Variants in ECSIT observed in about 807,000 individuals in gnomAD.
ECSIT encodes evolutionarily conserved signaling intermediate in Toll pathway, mitochondrial.
In ECSIT, 29 loss-of-function variants were observed where a neutral mutation model predicts 36.8. The observed-to-expected ratio is 0.79, with a 90% confidence interval of 0.59 to 1.08. The LOEUF is 1.08. Ranked by LOEUF, ECSIT falls within the 50% of genes least tolerant of loss-of-function variation. The probability of loss-of-function intolerance (pLI) is 0.00; values close to 1 mark genes in which losing one functional copy is unlikely to be tolerated. For missense variants in ECSIT, 542 were observed against 581.0 expected (o/e 0.93, Z 0.69); for synonymous variants, 231 against 234.8 (o/e 0.98, Z 0.15).
intron 5 of ECSIT, 56 bp from the exon 6 acceptor site, chr19:11,507,906 A>G: frequency 6.2e-7 from 1 of 1,614,006 alleles, no homozygotes; most frequent in East Asian, 2.2e-5. Context: ...CCAGAGGCCC[A>G]GGGAGCCCAG....
intron 4 of ECSIT, among the ~76,000 whole-genome samples, chr19:11,512,183 A>G (rs1472126458): frequency 1.3e-5 from 2 of 151,996 alleles, no homozygotes; most frequent in African/African-American, 4.8e-5. Flanking sequence ...CATTTCTACA[A>G]GAAATACAAA....
chr19:11,509,295 A>G (rs1454981217), intron 4 of ECSIT, among the ~76,000 whole-genome samples: 1 of 149,638 alleles, frequency 6.7e-6, no homozygotes, highest in African/African-American at 2.5e-5. Flanking sequence ...CTGGTCTCAA[A>G]CTCCCAACCT....
Position 11,513,287 on chromosome 19 carries a change from G to C in ECSIT, c.515-8C>G, listed in dbSNP as rs971940527. ...CCTTGTTGGGCATCACACCTGTGCT[G>C]GGCAGATGCAGGCAGAACCTCAGAG... On this transcript the variant is annotated splice_polypyrimidine_tract_variant and splice_region_variant and intron_variant, in intron 3 of 7. Transcript: ENST00000270517. The C allele has an allele frequency of 6.2e-7, 1 of 1,613,026 alleles. No individual in the cohort carries two copies. Among genetic ancestry groups the C allele is most frequent in the African/African-American group, 1.3e-5 (1 of 74,876 alleles).
Position 11,519,281 on chromosome 19 carries a change from G to A in ECSIT, c.-23-88C>T, listed in dbSNP as rs756525108. ...CCCGCAGGGTCGAGGGCACACTCCA[G>A]ATTATGTGGCTCACTCACCAGCCCC... On this transcript the variant is annotated intron_variant, in intron 1 of 7. Coordinates refer to ENST00000270517, the MANE Select transcript of ECSIT (RefSeq NM_016581.5). This position sits in a 1 kb window ranked among gnomAD's most constrained non-coding sequence, Gnocchi z 4.4. 4.7e-6 allele frequency: 4 copies of A among 843,750 alleles called. No individual in the cohort carries two copies. The highest frequency in any genetic ancestry group is 7.8e-6 in the Non-Finnish European group (4 of 515,758). The allele number at this position is 843,750 out of a possible 1,614,324, so 52.3% of individuals were successfully genotyped here.
intron 1 of ECSIT, among the ~76,000 whole-genome samples, chr19:11,521,275 C>G (rs1290384566): frequency 1.3e-5 from 2 of 152,250 alleles, no homozygotes; most frequent in South Asian, 4.1e-4. Flanking sequence ...GTTTATACTT[C>G]TCTTGGGTAT....
intron 2 of ECSIT, among the ~76,000 whole-genome samples, chr19:11,516,649 T>C (rs1307503527): frequency 1.3e-5 from 2 of 150,752 alleles, no homozygotes; most frequent in Non-Finnish European, 2.9e-5. Context: ...TAAAACCTTA[T>C]CTCTAAAAAA....
At position 11,508,032 on chromosome 19, in the gene ECSIT, T is replaced by C. The variant is rs766475717; in HGVS notation, c.755A>G (p.Asp252Gly). The change falls in exon 5 of 8, where the codon GAC (aspartate) becomes GGC (glycine). Residue 252 changes from aspartate (D) to glycine (G), a missense_variant. Physicochemically the swap from Asp to Gly is moderately conservative, Grantham distance 94 (BLOSUM62 -1). Transcript: ENST00000270517. ...GGGGGGATCTGCTGCACCTGTTGAG[T>C]CTTTGGGCAAAGGAACCTGCAAGGG... Reference protein sequence around the residue: ...VTIYQVPLPKDSTGAADPPQP... With the variant: ...VTIYQVPLPKGSTGAADPPQP... The C allele has an allele frequency of 1.2e-6, 2 of 1,614,048 alleles. No homozygotes were observed. The highest frequency in any genetic ancestry group is 1.7e-5 in the Admixed American group (1 of 59,994).
In ECSIT at chr19:11,506,356, T is replaced by C. The variant is rs1971737599; in HGVS notation, c.1124A>G (p.Gln375Arg). 1 of 1,613,652 alleles carries C rather than the reference T, an allele frequency of 6.2e-7. No individual in the cohort carries two copies. Among genetic ancestry groups the C allele is most frequent in the Non-Finnish European group, 8.5e-7 (1 of 1,179,884 alleles). The change falls in exon 8 of 8, where the codon CAG becomes CGG. Residue 375 changes from glutamine (Q) to arginine (R), a missense_variant. Coordinates refer to ENST00000270517, the MANE Select transcript of ECSIT (RefSeq NM_016581.5). ...HDQATMAKWI[Q>R]GLQETNPTLA... ...GGTTGGGTTGGTCTCCTGCAGGCCCTGGATCCACTTAGCCATCGTCGCCTG... is the reference window on the plus strand; with the variant it reads ...GGTTGGGTTGGTCTCCTGCAGGCCCCGGATCCACTTAGCCATCGTCGCCTG...
In ECSIT at chr19:11,507,747, C is replaced by A; in HGVS notation, c.900G>T (p.Val300=). The A allele has an allele frequency of 6.2e-7, 1 of 1,614,072 alleles. No individual in the cohort carries two copies. The highest frequency in any genetic ancestry group is 1.1e-5 in the South Asian group (1 of 91,044). ...AGTCAGCTCTGAGGATGTGGTAATA[C>A]ACACACTTGTTGCGGAGCCACAGGG... ...PFSLWLRNKC[V]YYHILRADLL... is the part of the protein sequence containing the mutation. Residue 300 remains valine (V), a synonymous_variant, in exon 6 of 8, where the codon GTG becomes GTT. Transcript: ENST00000270517.
chr19:11,515,360 C>T (rs973553962), intron 2 of ECSIT, among the ~76,000 whole-genome samples: 1 of 152,280 alleles, frequency 6.6e-6, no homozygotes, highest in Admixed American at 6.5e-5. Flanking sequence ...GCCTTGGCCT[C>T]CCAAGTGCTG....
intron 2 of ECSIT, among the ~76,000 whole-genome samples, chr19:11,515,179 T>C (rs112571451): frequency 0.26 from 38,376 of 145,260 alleles, 9,545 homozygotes; most frequent in African/African-American, 0.66. Context: ...TCTCGGCTCA[T>C]TGCAAGCTCC....
intron 4 of ECSIT, among the ~76,000 whole-genome samples, chr19:11,508,585 G>T (rs145981180): frequency 7.0e-4 from 106 of 151,844 alleles, no homozygotes; most frequent in African/African-American, 2.4e-3. Flanking sequence ...ATGGAGTTTT[G>T]CTCATTACCC....
chr19:11,516,614 C>T (rs907797133), intron 2 of ECSIT, among the ~76,000 whole-genome samples: 2 of 151,834 alleles, frequency 1.3e-5, no homozygotes, highest in East Asian at 3.9e-4. Flanking sequence ...GATTGTGTCA[C>T]TGCACTCCAA....
At position 11,508,004 on chromosome 19, in the gene ECSIT, C is replaced by T. The variant is rs1161065202; in HGVS notation, c.783G>A (p.Gln261=). The T allele has an allele frequency of 6.2e-7, 1 of 1,613,998 alleles. No homozygotes were observed. Among genetic ancestry groups the T allele is most frequent in the East Asian group, 2.2e-5 (1 of 44,896 alleles). The change falls in exon 5 of 8, where the codon CAG becomes CAA. Residue 261 remains glutamine, a synonymous_variant. Transcript: ENST00000270517. ...TCTCGGACTTACCTACGATGTGGGG[C>T]TGGGGGGGATCTGCTGCACCTGTTG... is the stretch of plus-strand genomic sequence containing the variant. ...KDSTGAADPP[Q]PHIVGIQSPD... is the part of the protein sequence containing the mutation.
At chr19:11,522,451 C>G (rs1599589667) in intron 1 of ECSIT, 4 of 1,458,486 alleles carry the variant, frequency 2.7e-6, no homozygotes, top group East Asian at 4.6e-5. Flanking sequence ...CCTGCGCCAT[C>G]AGCACAAGCC....
At chr19:11,515,270 A>AT (rs1335287208) in intron 2 of ECSIT, among the ~76,000 whole-genome samples, 2 of 150,960 alleles carry the variant, frequency 1.3e-5, no homozygotes, top group African/African-American at 2.4e-5. Context: ...CGCCCAGCTA[A>AT]TTTTTTGGAT....
chr19:11,528,164 G>C (rs1381509417), intron 1 of ECSIT, among the ~76,000 whole-genome samples: 2 of 152,174 alleles, frequency 1.3e-5, no homozygotes, highest in African/African-American at 2.4e-5. Context: ...TCTTCCTCCA[G>C]ATCTGCCCAC....
chr19:11,514,286 G>T, intron 2 of ECSIT, 65 bp from the exon 3 acceptor site: 1 of 1,462,562 alleles, frequency 6.8e-7, no homozygotes, highest in South Asian at 1.4e-5. Flanking sequence ...CCGCCAGGCT[G>T]GCTCTTTCCT....
chr19:11,523,858 A>G, intron 1 of ECSIT: 1 of 527,536 alleles, frequency 1.9e-6, no homozygotes, highest in East Asian at 4.3e-5. Flanking sequence ...CTCACATAAA[A>G]AAATAAGTTA....
Sources: allele counts gnomAD v4.1 joint callset (sites outside exome capture counted in the v4.1 genomes callset), GRCh38; gene constraint gnomAD v4.1.1; non-coding constraint Gnocchi (gnomAD v3.1); transcripts MANE v1.5; gene names NCBI Gene and HGNC (gene_info 2026-07-23, HGNC 2026-07-21).